Variants in LOXL3 observed in about 807,000 individuals in gnomAD.
LOXL3 encodes the protein lysyl oxidase like 3.
Under a neutral mutation model 91.8 loss-of-function variants are expected in LOXL3, and 60 were observed. The ratio of observed to expected loss-of-function variants is 0.65; its 90% confidence interval spans 0.53 to 0.81. The LOEUF is 0.81. LOXL3 is among the 30% of genes least tolerant of loss of function. The pLI is 0.00. For synonymous variants in LOXL3, 355 were observed against 387.6 expected (o/e 0.92, Z 0.99); for missense variants, 874 against 1,000.4 (o/e 0.87, Z 1.70).
At chr2:74,546,386 C>T (rs996516153) in intron 4 of LOXL3, among the ~76,000 whole-genome samples, 7 of 152,192 alleles carry the variant, frequency 4.6e-5, no homozygotes, top group African/African-American at 1.7e-4. Context: ...AAAAGCCATC[C>T]TCTCCCAGAT....
chr2:74,552,861 G>T (rs1677109038), intron 1 of LOXL3: 1 of 526,164 alleles, frequency 1.9e-6, no homozygotes, highest in Admixed American at 3.6e-5. Context: ...CACAGCCTGA[G>T]AGACCCAGAG....
At chr2:74,543,899 TCAAAA>T (rs1229068452) in intron 4 of LOXL3, among the ~76,000 whole-genome samples, 267 of 49,322 alleles carry the variant, frequency 5.4e-3, no homozygotes, top group African/African-American at 0.031. Context: ...AGGCTCTGTC[TCAAAA>T]AAAAAAAAAA....
Position 74,533,081 on chromosome 2 carries a change from A to C in LOXL3, c.*525T>G. On this transcript the variant is annotated 3_prime_UTR_variant, in exon 14 of 14. Coordinates refer to ENST00000264094, the MANE Select transcript of LOXL3 (RefSeq NM_032603.5). ...ACCGAGACAGAGGGTTAAATGAACCAGTGGGGGCAGGTCCCTCCAACCACC... is the reference window on the plus strand; with the variant it reads ...ACCGAGACAGAGGGTTAAATGAACCCGTGGGGGCAGGTCCCTCCAACCACC... 1 of 1,204,714 alleles carries C rather than the reference A, an allele frequency of 8.3e-7. No homozygotes were observed. The highest frequency in any genetic ancestry group is 1.2e-6 in the Non-Finnish European group (1 of 824,100). 74.6% of individuals were successfully genotyped at this position (1,204,714 alleles called of 1,614,324 possible).
intron 4 of LOXL3, among the ~76,000 whole-genome samples, chr2:74,538,381 CTA>C (rs1676140129): frequency 6.6e-6 from 1 of 152,174 alleles, no homozygotes; most frequent in African/African-American, 2.4e-5. Context: ...GGAATGAGGG[CTA>C]TGAGGGGACC....
intron 2 of LOXL3, among the ~76,000 whole-genome samples, chr2:74,551,510 C>T (rs1677008619): frequency 6.6e-6 from 1 of 152,240 alleles, no homozygotes; most frequent in South Asian, 2.1e-4. Flanking sequence ...TAAAAACAAC[C>T]ATTACGCCAT....
chr2:74,542,648 C>CA (rs1676390451), intron 4 of LOXL3, among the ~76,000 whole-genome samples: 1 of 145,744 alleles, frequency 6.9e-6, no homozygotes, highest in Admixed American at 6.9e-5. Context: ...TTTTTTGAGA[C>CA]AGAGTCTCGA....
chr2:74,536,563 A>T lies in LOXL3; in HGVS notation c.913-92T>A, dbSNP rs916074836. 40 of 1,472,908 alleles carry T rather than the reference A, an allele frequency of 2.7e-5. 1 individual carries two copies. Among genetic ancestry groups the T allele is most frequent in the Non-Finnish European group, 3.5e-5 (38 of 1,080,904 alleles). The allele number at this position is 1,472,908 out of a possible 1,614,324, so 91.2% of individuals were successfully genotyped here. On this transcript the variant is annotated intron_variant, in intron 5 of 13. Transcript: ENST00000264094. The surrounding 1 kb of genome is among the most constrained non-coding windows in gnomAD (Gnocchi z 4.5). ...GGGAGATGAGTGAGACTTTGGTGGAAGGGAGTGGGTGGTATCAGGTCTGTG... is the reference window on the plus strand; with the variant it reads ...GGGAGATGAGTGAGACTTTGGTGGATGGGAGTGGGTGGTATCAGGTCTGTG...
In LOXL3 at chr2:74,536,502, A is replaced by G. The variant is rs761729236; in HGVS notation, c.913-31T>C. On this transcript the variant is annotated intron_variant, in intron 5 of 13. Coordinates refer to ENST00000264094, the MANE Select transcript of LOXL3 (RefSeq NM_032603.5). This position sits in a 1 kb window ranked among gnomAD's most constrained non-coding sequence, Gnocchi z 4.5. Reference sequence around the variant, plus strand: ...GAAGAGAGAAGTGCCCAACAGAGGCAAATGGCAACATCTGCACGGAGGGCT... The same window carrying G: ...GAAGAGAGAAGTGCCCAACAGAGGCGAATGGCAACATCTGCACGGAGGGCT... 1 of 1,597,624 alleles carries G rather than the reference A, an allele frequency of 6.3e-7. No homozygotes were observed. The highest frequency in any genetic ancestry group is 1.1e-5 in the South Asian group (1 of 89,798).
intron 4 of LOXL3, among the ~76,000 whole-genome samples, chr2:74,542,440 CTT>C (rs1676375610): frequency 1.3e-5 from 2 of 152,098 alleles, no homozygotes; most frequent in African/African-American, 4.8e-5. Context: ...AATTCCATCT[CTT>C]ACAATTTTTC....
Position 74,536,870 on chromosome 2 carries a change from T to C in LOXL3, c.751A>G (p.Thr251Ala). The C allele has an allele frequency of 6.2e-7, 1 of 1,614,160 alleles. No homozygotes were observed. The highest frequency in any genetic ancestry group is 8.5e-7 in the Non-Finnish European group (1 of 1,180,030). ...GAACAGAGGGAGAGGTGGGCCTCCG[T>C]GCCCACGCACGCCACCCCATGCAGA... is the stretch of plus-strand genomic sequence containing the variant. ...FGLHGVACVG[T>A]EAHLSLCSLE... The change falls in exon 5 of 14, where the codon ACG (threonine) becomes GCG (alanine). Residue 251 changes from threonine to alanine, a missense_variant. By Grantham distance (58) the Thr-to-Ala change is moderately conservative. Coordinates refer to ENST00000264094, the MANE Select transcript of LOXL3 (RefSeq NM_032603.5). This position sits in a 1 kb window ranked among gnomAD's most constrained non-coding sequence, Gnocchi z 4.5.
chr2:74,542,315 AAAC>A (rs1676369481), intron 4 of LOXL3, among the ~76,000 whole-genome samples: 1 of 152,174 alleles, frequency 6.6e-6, no homozygotes, highest in South Asian at 2.1e-4. Context: ...TCAAACAAAC[AAAC>A]AAACAAACAA....
chr2:74,535,456 T>C lies in LOXL3; in HGVS notation c.1417-2A>G, dbSNP rs920027833. On this transcript the variant is annotated splice_acceptor_variant, in intron 8 of 13. Coordinates refer to ENST00000264094, the MANE Select transcript of LOXL3 (RefSeq NM_032603.5). LOFTEE classifies it high-confidence loss of function. This position sits in a 1 kb window ranked among gnomAD's most constrained non-coding sequence, Gnocchi z 4.2. ...CCCAGAGTCCCAGTACCAGGTCTCC[T>C]GGGGACATATGCAGATGTTTCTGTA... 3 of 1,613,688 alleles carry C rather than the reference T, an allele frequency of 1.9e-6. No individual in the cohort carries two copies. Among genetic ancestry groups the C allele is most frequent in the African/African-American group, 1.3e-5 (1 of 74,942 alleles).
Position 74,533,914 on chromosome 2 carries a change from C to G in LOXL3, c.2156G>C (p.Gly719Ala). ...GCAGTTGTGCACCCAGATTCTATGTCCATCATATTTGCAGTTACATTTCAT... is the reference window on the plus strand; with the variant it reads ...GCAGTTGTGCACCCAGATTCTATGTGCATCATATTTGCAGTTACATTTCAT... Reference protein sequence around the residue: ...NAMKCNCKYDGHRIWVHNCHI... With the variant: ...NAMKCNCKYDAHRIWVHNCHI... Residue 719 changes from glycine to alanine, a missense_variant, in exon 13 of 14, where the codon GGA becomes GCA. By Grantham distance (60) the Gly-to-Ala change is moderately conservative. Transcript: ENST00000264094. The G allele has an allele frequency of 1.2e-6, 2 of 1,614,072 alleles. No homozygotes were observed. The highest frequency in any genetic ancestry group is 1.7e-6 in the Non-Finnish European group (2 of 1,179,954).
chr2:74,550,393 G>T, intron 2 of LOXL3, 45 bp from the exon 3 acceptor site: 1 of 1,591,292 alleles, frequency 6.3e-7, no homozygotes. Context: ...GGGGAGGGAG[G>T]ATGGGGGAGT....
In LOXL3 at chr2:74,533,490, G is replaced by T; in HGVS notation, c.*116C>A. ...TGCTTGACAGTTCCACATCCATAGT[G>T]CATGGTCTGATGAGTGCGGTTGCTG... On this transcript the variant is annotated 3_prime_UTR_variant, in exon 14 of 14. Transcript: ENST00000264094. The T allele has an allele frequency of 1.2e-6, 1 of 837,958 alleles. No individual in the cohort carries two copies. The allele number at this position is 837,958 out of a possible 1,614,324, so 51.9% of individuals were successfully genotyped here. A position where few individuals can be genotyped will look rare whatever the true frequency, so the allele number is the denominator to read the frequency against.
At chr2:74,540,265 G>A (rs1573011649) in intron 4 of LOXL3, among the ~76,000 whole-genome samples, 1 of 152,220 alleles carries the variant, frequency 6.6e-6, no homozygotes, top group African/African-American at 2.4e-5. Flanking sequence ...AAATTAGCTA[G>A]GGCAGATGGC....
In LOXL3 at chr2:74,533,205, G is replaced by C. The variant is rs1185796743; in HGVS notation, c.*401C>G. ...TTATAGTAAAAAATGAGGTGGGAGGGCTGGATCTTTTCCCCCACCAAAAGG... is the reference window on the plus strand; with the variant it reads ...TTATAGTAAAAAATGAGGTGGGAGGCCTGGATCTTTTCCCCCACCAAAAGG... On this transcript the variant is annotated 3_prime_UTR_variant, in exon 14 of 14. Transcript: ENST00000264094. The C allele has an allele frequency of 8.6e-6, 5 of 580,922 alleles. No individual in the cohort carries two copies. The African/African-American group carries it at 9.3e-5, about 11-fold the overall frequency. The allele number at this position is 580,922 out of a possible 1,614,324, so 36.0% of individuals were successfully genotyped here.
chr2:74,533,543 G>T lies in LOXL3; in HGVS notation c.*63C>A. On this transcript the variant is annotated 3_prime_UTR_variant, in exon 14 of 14. Coordinates refer to ENST00000264094, the MANE Select transcript of LOXL3 (RefSeq NM_032603.5). ...ATGGGTTTCTTGGTAAGCTCCTGAG[G>T]TAATGGCAGCCTCAGACCCCTGCCA... The T allele has an allele frequency of 6.9e-7, 1 of 1,453,334 alleles. No homozygotes were observed. The highest frequency in any genetic ancestry group is 2.3e-5 in the East Asian group (1 of 44,060). 90.0% of individuals were successfully genotyped at this position (1,453,334 alleles called of 1,614,324 possible).
intron 12 of LOXL3, 41 bp downstream of exon 12, chr2:74,534,059 T>TC (rs753259295): frequency 6.2e-7 from 1 of 1,611,948 alleles, no homozygotes. Context: ...TCTTTAACGC[T>TC]CCCCCCACTC....
Sources: gnomAD v4.1 joint callset for allele counts (sites outside exome capture counted in the v4.1 genomes callset) on GRCh38, gnomAD v4.1.1 for gene constraint, Gnocchi (gnomAD v3.1) non-coding constraint, MANE v1.5 for transcripts, NCBI Gene and HGNC (gene_info 2026-07-23, HGNC 2026-07-21) for gene names.